The following NKAIN2 variants were observed in gnomAD, a reference collection of about 807,000 sequenced individuals.
NKAIN2 encodes the protein sodium/potassium transporting ATPase interacting 2, also known as sodium/potassium-transporting ATPase subunit beta-1-interacting protein 2.
Under a neutral mutation model 32.6 loss-of-function variants are expected in NKAIN2, and 14 were observed. The ratio of observed to expected loss-of-function variants is 0.43; its 90% CI spans 0.28 to 0.67. The LOEUF (loss-of-function observed/expected upper bound fraction) is 0.67. NKAIN2 is among the 30% of genes least tolerant of loss of function. NKAIN2 has a pLI of 0.17. For missense variants in NKAIN2, 198 were observed against 258.3 expected (o/e 0.77, Z 1.60); for synonymous variants, 80 against 87.2 (o/e 0.92, Z 0.46).
intron 1 of NKAIN2, among the ~76,000 whole-genome samples, chr6:123,938,427 TATATATATATATATATATATATATAC>T (rs1192592043): frequency 0.018 from 817 of 45,250 alleles, 20 homozygotes; most frequent in African/African-American, 0.093. Context: ...TATATATATA[TATATATATATATATATATATATATAC>T]ACACACACAC....
intron 4 of NKAIN2, among the ~76,000 whole-genome samples, chr6:124,673,064 T>G (rs928462934): frequency 5.3e-5 from 8 of 152,180 alleles, no homozygotes; most frequent in Middle Eastern, 3.4e-3. Context: ...CCCAAGCTTC[T>G]GGCACCCACC....
intron 3 of NKAIN2, among the ~76,000 whole-genome samples, chr6:124,603,052 A>AT (rs2114984204): frequency 6.6e-6 from 1 of 152,144 alleles, no homozygotes; most frequent in African/African-American, 2.4e-5. Flanking sequence ...TTTATAGAGC[A>AT]TTTATAATAT....
chr6:123,809,229 A>G (rs564694536), intron 1 of NKAIN2, among the ~76,000 whole-genome samples: 1 of 152,272 alleles, frequency 6.6e-6, no homozygotes, highest in East Asian at 1.9e-4. Context: ...TTCTGATATA[A>G]TGAACTCTTC....
At chr6:123,849,172 A>G (rs9320962) in intron 1 of NKAIN2, among the ~76,000 whole-genome samples, 3,218 of 152,294 alleles carry the variant, frequency 0.021, 105 homozygotes, top group African/African-American at 0.07. Context: ...ACTACTTTGT[A>G]CAACTTTTAG....
chr6:124,782,762 A>G (rs1583856670), intron 4 of NKAIN2, among the ~76,000 whole-genome samples: 1 of 94,068 alleles, frequency 1.1e-5, no homozygotes, highest in East Asian at 2.0e-4. Context: ...TGTAGACAGT[A>G]TTAATTGTGT....
chr6:124,649,784 G>A (rs1784302324), intron 3 of NKAIN2, among the ~76,000 whole-genome samples: 1 of 152,134 alleles, frequency 6.6e-6, no homozygotes, highest in Non-Finnish European at 1.5e-5. Flanking sequence ...ACAACAAACT[G>A]TGATTTGTCC....
chr6:124,168,012 T>TA (rs1788653950), intron 1 of NKAIN2, among the ~76,000 whole-genome samples: 1 of 152,180 alleles, frequency 6.6e-6, no homozygotes, highest in Non-Finnish European at 1.5e-5. Context: ...GGTACCCACA[T>TA]AAAAAACCAA....
rs1779515529 is a variant in NKAIN2 at position 124,786,580 on chromosome 6, TATC to T, written c.475-4756_475-4754del. On this transcript the variant is annotated intron_variant, in intron 4 of 6. Coordinates refer to ENST00000368417, the MANE Select transcript of NKAIN2 (RefSeq NM_001040214.3). ...ATCTGATTTAGTTATACAGAGAAAA[TATC>T]ATTTCCTTCCAGTCAGTGATAATAT... Among the ~76,000 whole-genome samples the T allele has an allele frequency of 2.6e-5, 4 of 152,240 alleles. No individual in the cohort carries two copies. The South Asian group carries it at 8.3e-4, about 32-fold the overall frequency.
intron 1 of NKAIN2, among the ~76,000 whole-genome samples, chr6:124,239,463 C>T (rs965704196): frequency 8.5e-5 from 13 of 152,300 alleles, no homozygotes; most frequent in African/African-American, 2.9e-4. Context: ...CACCACGTCA[C>T]ACTTATTCTA....
rs545199450 is a variant in NKAIN2, at chr6:124,509,377, G to A, written c.274-148809G>A. Among the ~76,000 whole-genome samples, 3 of 152,296 alleles carry A rather than the reference G, an allele frequency of 2.0e-5. No individual in the cohort carries two copies. The South Asian group carries it at 6.2e-4, about 32-fold the overall frequency. ...ACAATGCCAGCTACATGAATGAGTAGTACACTTTACCCATGACTTTGCTGC... is the reference window on the plus strand; with the variant it reads ...ACAATGCCAGCTACATGAATGAGTAATACACTTTACCCATGACTTTGCTGC... On this transcript the variant is annotated intron_variant, in intron 3 of 6. Coordinates refer to ENST00000368417, the MANE Select transcript of NKAIN2 (RefSeq NM_001040214.3).
rs1387521687 is a variant in NKAIN2 at position 124,779,310 on chromosome 6, GGGAGGGAGGGAAGGAAGGAAGGAAGGAA to G, written c.475-12025_475-11998del. ...AAGGCAGGAAGGAGGGAGGGAGGGA[GGGAGGGAGGGAAGGAAGGAAGGAAGGAA>G]GGAAGGAAGGAAGGAAGGAAGGAAG... On this transcript the variant is annotated intron_variant, in intron 4 of 6. Coordinates refer to ENST00000368417, the MANE Select transcript of NKAIN2 (RefSeq NM_001040214.3). 1.6e-3 allele frequency among the ~76,000 whole-genome samples: 156 copies of G among 95,838 alleles called. 1 individual carries two copies. The highest frequency in any genetic ancestry group is 4.4e-3 in the Middle Eastern group (1 of 226). 62.9% of individuals were successfully genotyped at this position (95,838 alleles called of 152,430 possible).
intron 3 of NKAIN2, among the ~76,000 whole-genome samples, chr6:124,598,894 G>A (rs975277480): frequency 6.6e-6 from 1 of 151,990 alleles, no homozygotes; most frequent in African/African-American, 2.4e-5. Flanking sequence ...GCCTTCTCAA[G>A]TTTCTATCTT....
intron 1 of NKAIN2, among the ~76,000 whole-genome samples, chr6:123,962,499 A>G (rs1269122547): frequency 2.0e-5 from 3 of 152,158 alleles, no homozygotes; most frequent in African/African-American, 7.2e-5. Context: ...TCTTTGAGCT[A>G]CGAGTTCTAC....
chr6:124,604,261 C>T (rs141181072), intron 3 of NKAIN2, among the ~76,000 whole-genome samples: 48 of 152,014 alleles, frequency 3.2e-4, no homozygotes, highest in African/African-American at 8.2e-4. Context: ...AAATTTTACC[C>T]ACTGATTTAA....
chr6:124,347,009 A>T (rs1798458414), intron 2 of NKAIN2, among the ~76,000 whole-genome samples: 1 of 151,850 alleles, frequency 6.6e-6, no homozygotes, highest in Non-Finnish European at 1.5e-5. Context: ...TTCCTTCAGG[A>T]GCTCTTTTAG....
intron 1 of NKAIN2, among the ~76,000 whole-genome samples, chr6:123,825,889 A>G (rs1383643507): frequency 2.6e-5 from 4 of 152,136 alleles, no homozygotes; most frequent in African/African-American, 7.2e-5. Context: ...TAAAATGGTA[A>G]CTCAAATCAG....
At chr6:123,989,868 A>T (rs1779338079) in intron 1 of NKAIN2, among the ~76,000 whole-genome samples, 1 of 152,188 alleles carries the variant, frequency 6.6e-6, no homozygotes, top group African/African-American at 2.4e-5. Flanking sequence ...ACTTAAGTAA[A>T]ATTTCCAGCA....
At chr6:123,888,179 G>A (rs10872271) in intron 1 of NKAIN2, among the ~76,000 whole-genome samples, 49,188 of 151,812 alleles carry the variant, frequency 0.32, 8,951 homozygotes, top group East Asian at 0.6. Context: ...ATAGAATGTT[G>A]TTTTTAATAT....
intron 1 of NKAIN2, among the ~76,000 whole-genome samples, chr6:124,024,565 G>T (rs930532642): frequency 1.3e-5 from 2 of 151,600 alleles, no homozygotes; most frequent in Non-Finnish European, 2.9e-5. Context: ...GGACACTTAG[G>T]CTCATTTTTT....
Sources: gnomAD v4.1 joint callset for allele counts (sites outside exome capture counted in the v4.1 genomes callset) on GRCh38, gnomAD v4.1.1 for gene constraint, MANE v1.5 for transcripts, NCBI Gene and HGNC (gene_info 2026-07-23, HGNC 2026-07-21) for gene names.